The following MTFR1 variants were observed in gnomAD, a reference collection of about 807,000 sequenced individuals.
MTFR1 encodes chondrocyte protein with a poly-proline region.
In MTFR1, 28 loss-of-function variants were observed where a neutral mutation model predicts 38.8. The ratio of observed to expected loss-of-function variants is 0.72; its 90% CI spans 0.53 to 0.99. The LOEUF (loss-of-function observed/expected upper bound fraction) is 0.99. Ranked by LOEUF, MTFR1 falls within the 50% of genes least tolerant of loss-of-function variation. The pLI is 0.00. For synonymous variants in MTFR1, 145 were observed against 137.0 expected, an observed-to-expected ratio of 1.06 and a Z score of -0.41; for missense variants, 358 against 395.5, an observed-to-expected ratio of 0.91 and a Z score of 0.81.
chr8:65,765,871 C>T (rs866352386), intron 3 of MTFR1, among the ~76,000 whole-genome samples: 21 of 152,166 alleles, frequency 1.4e-4, no homozygotes, highest in Middle Eastern at 3.4e-3. Context: ...ATCTCTTATA[C>T]GTTAAAAATA....
rs1030190657 is a variant in MTFR1, at chr8:65,709,116, C to A, written c.*72C>A. The A allele has an allele frequency of 2.7e-5, 37 of 1,347,114 alleles. No individual in the cohort carries two copies. In the South Asian group the frequency reaches 4.1e-4, roughly 15 times the overall value. 83.4% of individuals were successfully genotyped at this position (1,347,114 alleles called of 1,614,324 possible). A position where few individuals can be genotyped will look rare whatever the true frequency, so the allele number is the denominator to read the frequency against. The stretch of plus-strand genomic sequence containing the variant: ...GAGGGCCAAGTTTGCTAGTAGAAAT[C>A]GACACTGTTTAGTAAATACCTCTTT... On this transcript the variant is annotated 3_prime_UTR_variant, in exon 8 of 8. Coordinates refer to ENST00000262146, the MANE Select transcript of MTFR1 (RefSeq NM_014637.4).
chr8:65,708,989 T>C lies in MTFR1; in HGVS notation c.947T>C (p.Met316Thr), dbSNP rs766800865. ...GTTTGTTTCTAGTTTGGGCCACACA[T>C]GTTGAAGCCAACAGGAAAAATGAAG... is the stretch of plus-strand genomic sequence containing the variant. ...TSERVLFGPHMLKPTGKMKAL... is the reference protein window; with the variant it reads ...TSERVLFGPHTLKPTGKMKAL... Residue 316 changes from methionine (M) to threonine (T), a missense_variant, in exon 8 of 8, where the codon ATG becomes ACG. Coordinates refer to ENST00000262146, the MANE Select transcript of MTFR1 (RefSeq NM_014637.4). 3.1e-6 allele frequency: 5 copies of C among 1,613,996 alleles called. No individual in the cohort carries two copies. Among genetic ancestry groups the C allele is most frequent in the Non-Finnish European group, 4.2e-6 (5 of 1,179,860 alleles).
chr8:65,766,463 G>A lies in MTFR1; in HGVS notation c.*49-4484G>A, dbSNP rs112166988. Among the ~76,000 whole-genome samples the A allele has an allele frequency of 8.2e-3, 1,248 of 152,296 alleles. 11 individuals are homozygous for A. Among genetic ancestry groups the A allele is most frequent in the Non-Finnish European group, 0.013 (872 of 68,016 alleles). On this transcript the variant is annotated intron_variant, in intron 3 of 3. Coordinates refer to the MTFR1 transcript ENST00000521247. Reference sequence around the variant, plus strand: ...GCCTCCTGGTTATCTTTATGGAGTTGAATGAAAGCAGGAACTTGAGAAGCC... The same window carrying A: ...GCCTCCTGGTTATCTTTATGGAGTTAAATGAAAGCAGGAACTTGAGAAGCC...
rs548225391 is a variant in MTFR1, at chr8:65,663,356, A to G, written c.-80-6517A>G. On this transcript the variant is annotated intron_variant, in intron 1 of 7. Coordinates refer to ENST00000262146, the MANE Select transcript of MTFR1 (RefSeq NM_014637.4). ...AGCATGCTCGTTAAGAGTCATCACC[A>G]CTCTCTAATCTCAAGTACCCAGGGA... 8.2e-3 allele frequency among the ~76,000 whole-genome samples: 1,243 copies of G among 151,638 alleles called. 7 individuals are homozygous for G. Among genetic ancestry groups the G allele is most frequent in the Non-Finnish European group, 0.013 (893 of 67,894 alleles).
downstream of MTFR1, among the ~76,000 whole-genome samples, chr8:65,772,835 C>A (rs760086761): frequency 1.3e-5 from 2 of 152,012 alleles, no homozygotes; most frequent in Non-Finnish European, 2.9e-5. Context: ...GAAACCCTAT[C>A]TTTAATAAAA....
intron 3 of MTFR1, among the ~76,000 whole-genome samples, chr8:65,687,414 T>G (rs1048491856): frequency 1.3e-5 from 2 of 151,282 alleles, no homozygotes; most frequent in Admixed American, 1.3e-4. Context: ...GGCACGATCT[T>G]GGCTCATTGC....
intron 3 of MTFR1, among the ~76,000 whole-genome samples, chr8:65,756,160 G>A (rs1291917885): frequency 2.6e-5 from 4 of 152,152 alleles, no homozygotes; most frequent in Non-Finnish European, 5.9e-5. Context: ...CCTTGTACAA[G>A]ACAAGTTGCT....
Position 65,734,839 on chromosome 8 carries a change from A to C in MTFR1, c.*48+15358A>C, listed in dbSNP as rs145987232. The stretch of plus-strand genomic sequence containing the variant: ...AGTGCATGGCCTGAGTAACATCCGC[A>C]GCGTGGACTGCGTTATGGTAAGGAT... On this transcript the variant is annotated intron_variant, in intron 3 of 3. Coordinates refer to the MTFR1 transcript ENST00000521247. 395 of 1,612,644 alleles carry C rather than the reference A, an allele frequency of 2.4e-4. 1 individual carries two copies. The highest frequency in any genetic ancestry group is 2.1e-3 in the Middle Eastern group (13 of 6,060).
intron 2 of MTFR1, among the ~76,000 whole-genome samples, chr8:65,675,592 G>A (rs534285602): frequency 5.3e-5 from 8 of 152,232 alleles, no homozygotes; most frequent in African/African-American, 1.2e-4. Context: ...GCAAGACTCC[G>A]TCTCAAAAAA....
chr8:65,769,829 G>A (rs993254647), intron 3 of MTFR1, among the ~76,000 whole-genome samples: 1 of 152,140 alleles, frequency 6.6e-6, no homozygotes, highest in Non-Finnish European at 1.5e-5. Flanking sequence ...CCAGGAAGTG[G>A]AGATTGCAAT....
intron 2 of MTFR1, among the ~76,000 whole-genome samples, chr8:65,680,220 G>A (rs1804836775): frequency 1.3e-5 from 2 of 152,150 alleles, no homozygotes; most frequent in Admixed American, 1.3e-4. Flanking sequence ...CTGGAGTGCA[G>A]TGGTGCAATC....
At chr8:65,761,101 G>A (rs929126250) in intron 3 of MTFR1, among the ~76,000 whole-genome samples, 7 of 149,796 alleles carry the variant, frequency 4.7e-5, no homozygotes, top group Non-Finnish European at 7.4e-5. Flanking sequence ...GCCCTGTGGC[G>A]TAGGCTAGAG....
At chr8:65,649,400 G>A (rs1410154640) in intron 1 of MTFR1, among the ~76,000 whole-genome samples, 1 of 152,050 alleles carries the variant, frequency 6.6e-6, no homozygotes, top group East Asian at 1.9e-4. Context: ...TGGCCAGGCT[G>A]TCTTGAACTC....
Position 65,755,229 on chromosome 8 carries a change from C to G in MTFR1, c.*49-15718C>G, listed in dbSNP as rs1251402931. ...AGAGATGGGTTTTCCTCAAGTTGGC[C>G]CAGCTGGTCTTGAACTCCTGAACTC... On this transcript the variant is annotated intron_variant, in intron 3 of 3. Coordinates refer to the MTFR1 transcript ENST00000521247. 2.6e-5 allele frequency among the ~76,000 whole-genome samples: 4 copies of G among 151,896 alleles called. No individual in the cohort carries two copies. The East Asian group carries it at 7.8e-4, about 30-fold the overall frequency.
At chr8:65,677,115 C>G (rs1804732269) in intron 2 of MTFR1, among the ~76,000 whole-genome samples, 1 of 146,128 alleles carries the variant, frequency 6.8e-6, no homozygotes, top group South Asian at 2.2e-4. Flanking sequence ...GCTCTGTCAC[C>G]CAGGATGGAG....
intron 1 of MTFR1, among the ~76,000 whole-genome samples, chr8:65,646,020 C>G (rs934582850): frequency 6.6e-6 from 1 of 152,156 alleles, no homozygotes; most frequent in Admixed American, 6.5e-5. Context: ...TAGGTAACTG[C>G]TACAGTGCAG....
chr8:65,752,715 A>G (rs1808024359), intron 3 of MTFR1, among the ~76,000 whole-genome samples: 1 of 152,140 alleles, frequency 6.6e-6, no homozygotes, highest in South Asian at 2.1e-4. Flanking sequence ...GTTTTCTTGA[A>G]TTATATCTCT....
At chr8:65,733,188 A>C (rs1014277625) in intron 3 of MTFR1, among the ~76,000 whole-genome samples, 1 of 152,192 alleles carries the variant, frequency 6.6e-6, no homozygotes, top group Non-Finnish European at 1.5e-5. Context: ...AAAGTGTTCA[A>C]AATCATGTTT....
At chr8:65,646,153 T>C (rs1808960501) in intron 1 of MTFR1, among the ~76,000 whole-genome samples, 1 of 152,222 alleles carries the variant, frequency 6.6e-6, no homozygotes, top group African/African-American at 2.4e-5. Flanking sequence ...TCTTAGTATG[T>C]ATGAAGGACT....
Sources: gnomAD v4.1 joint callset for allele counts (sites outside exome capture counted in the v4.1 genomes callset) on GRCh38, gnomAD v4.1.1 for gene constraint, MANE v1.5 for transcripts, NCBI Gene and HGNC (gene_info 2026-07-23, HGNC 2026-07-21) for gene names.